Variants in ADK observed in about 807,000 individuals in gnomAD.
ADK encodes N6,N6-dimethyladenosine kinase.
In ADK, 24 loss-of-function variants were observed where a neutral mutation model predicts 44.7. That is an observed-to-expected ratio of 0.54 (90% CI 0.39 to 0.76). ADK has a LOEUF of 0.76. ADK is among the 30% of genes least tolerant of loss of function. The pLI, the probability that ADK is intolerant of heterozygous loss-of-function variation, is 0.00. For synonymous variants in ADK, 128 were observed against 142.6 expected (o/e 0.90, Z 0.73); for missense variants, 321 against 425.1 (o/e 0.76, Z 2.15).
At chr10:74,201,935 A>G (rs911413407) in intron 2 of ADK, among the ~76,000 whole-genome samples, 1 of 152,196 alleles carries the variant, frequency 6.6e-6, no homozygotes, top group Non-Finnish European at 1.5e-5. Flanking sequence ...GGCAAAATTT[A>G]TATCGCATAA....
At chr10:74,392,734 C>T (rs1411237490) in intron 4 of ADK, among the ~76,000 whole-genome samples, 1 of 136,248 alleles carries the variant, frequency 7.3e-6, no homozygotes, top group Non-Finnish European at 1.7e-5. Flanking sequence ...GAAGCTGTCC[C>T]CCATATTTGA....
intron 4 of ADK, among the ~76,000 whole-genome samples, chr10:74,361,501 A>C (rs1345889058): frequency 6.6e-6 from 1 of 152,224 alleles, no homozygotes; most frequent in Non-Finnish European, 1.5e-5. Flanking sequence ...AAAAAAACAC[A>C]CAAAAGTGAA....
At chr10:74,303,585 G>GGTTTT (rs1840134477) in intron 3 of ADK, among the ~76,000 whole-genome samples, 1 of 64,676 alleles carries the variant, frequency 1.5e-5, no homozygotes, top group Non-Finnish European at 2.5e-5. Flanking sequence ...TGGTTTTAAT[G>GGTTTT]TTGTTTTTTT....
intron 1 of ADK, among the ~76,000 whole-genome samples, chr10:74,174,176 T>C (rs1227518432): frequency 1.3e-5 from 2 of 150,374 alleles, no homozygotes; most frequent in Non-Finnish European, 3.0e-5. Flanking sequence ...GGCATGGTGG[T>C]GCGTGCCTTT....
chr10:74,470,269 C>T (rs185237374), intron 6 of ADK, among the ~76,000 whole-genome samples: 3 of 152,196 alleles, frequency 2.0e-5, no homozygotes, highest in Non-Finnish European at 4.4e-5. Flanking sequence ...AGGTGATCCG[C>T]CTTCCTTGGC....
chr10:74,249,649 A>G (rs1008461204), intron 3 of ADK, among the ~76,000 whole-genome samples: 7 of 152,182 alleles, frequency 4.6e-5, no homozygotes, highest in Non-Finnish European at 8.8e-5. Context: ...ATACTGATTG[A>G]TAGATTATCA....
At chr10:74,411,480 C>T (rs1844174808) in intron 6 of ADK, among the ~76,000 whole-genome samples, 1 of 152,154 alleles carries the variant, frequency 6.6e-6, no homozygotes, top group African/African-American at 2.4e-5. Context: ...TATGTTTACA[C>T]TATATGGTAC....
intron 5 of ADK, among the ~76,000 whole-genome samples, chr10:74,397,779 A>G (rs946670982): frequency 2.6e-5 from 4 of 152,194 alleles, no homozygotes; most frequent in East Asian, 1.9e-4. Flanking sequence ...GCATCAAGCA[A>G]TCCTCCCACC....
chr10:74,559,270 G>A (rs757971767), intron 7 of ADK, among the ~76,000 whole-genome samples: 7 of 152,348 alleles, frequency 4.6e-5, no homozygotes, highest in Non-Finnish European at 5.9e-5. Context: ...GGGACCAGGC[G>A]GAGCCAGCAG....
chr10:74,441,828 TC>T, intron 6 of ADK, among the ~76,000 whole-genome samples: 1 of 152,096 alleles, frequency 6.6e-6, no homozygotes, highest in Non-Finnish European at 1.5e-5. Context: ...AGGTTAATTA[TC>T]CAAAATATGT....
At chr10:74,696,960 T>G (rs1856231383) in intron 10 of ADK, among the ~76,000 whole-genome samples, 1 of 152,210 alleles carries the variant, frequency 6.6e-6, no homozygotes, top group Admixed American at 6.5e-5. Flanking sequence ...GCTTAAAATC[T>G]ATTTTCAATG....
At chr10:74,333,165 A>C (rs781536946) in intron 4 of ADK, among the ~76,000 whole-genome samples, 1 of 152,208 alleles carries the variant, frequency 6.6e-6, no homozygotes, top group Non-Finnish European at 1.5e-5. Flanking sequence ...TTTTAAAAGA[A>C]AAATGCCTAG....
chr10:74,344,086 T>C lies in ADK; in HGVS notation c.273+29341T>C, dbSNP rs1244745043. 2.0e-5 allele frequency among the ~76,000 whole-genome samples: 3 copies of C among 152,234 alleles called. No homozygotes were observed. The East Asian group carries it at 5.8e-4, about 29-fold the overall frequency. ...AATGTTGCTGGATTTGTTTTGCTAG[T>C]ATTTTGTTGAGGATTTTTGCATCAT... On this transcript the variant is annotated intron_variant, in intron 4 of 10. Coordinates refer to ENST00000539909, the MANE Select transcript of ADK (RefSeq NM_006721.4).
intron 6 of ADK, among the ~76,000 whole-genome samples, chr10:74,410,324 G>A (rs930526323): frequency 1.3e-5 from 2 of 152,054 alleles, no homozygotes; most frequent in African/African-American, 4.8e-5. Context: ...AGTGAATTAA[G>A]TTGTTTTGTA....
At chr10:74,614,721 C>T (rs775404989) in intron 9 of ADK, among the ~76,000 whole-genome samples, 3 of 151,186 alleles carry the variant, frequency 2.0e-5, no homozygotes, top group Non-Finnish European at 4.4e-5. Flanking sequence ...CCCGGGCTCA[C>T]GTTGTATTTT....
intron 5 of ADK, among the ~76,000 whole-genome samples, chr10:74,397,851 T>A (rs1230859310): frequency 6.6e-6 from 1 of 152,176 alleles, no homozygotes; most frequent in Non-Finnish European, 1.5e-5. Context: ...GCAGCAAGAT[T>A]TTAAATGCAG....
chr10:74,598,441 C>CTTTTTTTTTTTTTTTT, intron 8 of ADK, among the ~76,000 whole-genome samples: 1 of 111,772 alleles, frequency 8.9e-6, no homozygotes, highest in Non-Finnish European at 1.8e-5. Context: ...AATCTTATTC[C>CTTTTTTTTTTTTTTTT]TTTTTTTTTT....
chr10:74,176,866 C>T (rs1842359942), intron 1 of ADK: 1 of 1,609,032 alleles, frequency 6.2e-7, no homozygotes, highest in South Asian at 1.1e-5. Flanking sequence ...GGCAGGAGGG[C>T]GAAGCCATGA....
At chr10:74,308,078 A>T (rs888012586) in intron 3 of ADK, among the ~76,000 whole-genome samples, 2 of 152,226 alleles carry the variant, frequency 1.3e-5, no homozygotes, top group Non-Finnish European at 2.9e-5. Context: ...TGCACTTATC[A>T]TGCATCTAAA....
Sources: allele counts gnomAD v4.1 joint callset (sites outside exome capture counted in the v4.1 genomes callset), GRCh38; gene constraint gnomAD v4.1.1; transcripts MANE v1.5; gene names NCBI Gene and HGNC (gene_info 2026-07-23, HGNC 2026-07-21).